The following ZFPM2 variants were observed in gnomAD, a reference collection of about 807,000 sequenced individuals.
The protein encoded by ZFPM2 is zinc finger protein, FOG family member 2, also known as zinc finger protein ZFPM2.
Under a neutral mutation model 98.6 loss-of-function variants are expected in ZFPM2, and 20 were observed. The observed-to-expected ratio is 0.20, with a 90% CI of 0.14 to 0.29. ZFPM2 has a LOEUF of 0.29. ZFPM2 is among the 10% of genes least tolerant of loss of function. ZFPM2 has a pLI of 1.00. For missense variants in ZFPM2, 1,310 were observed against 1,388.6 expected (o/e 0.94, Z 0.90); for synonymous variants, 518 against 502.7 (o/e 1.03, Z -0.41).
At chr8:105,679,610 A>C (rs534894746) in intron 5 of ZFPM2, among the ~76,000 whole-genome samples, 3 of 152,144 alleles carry the variant, frequency 2.0e-5, no homozygotes, top group African/African-American at 7.2e-5. Flanking sequence ...TCTGAGCAAC[A>C]TGGCAAAACT....
In ZFPM2 at chr8:105,318,947, C is replaced by A; in HGVS notation, c.6C>A (p.Ser2=). Reference sequence around the variant, plus strand: ...CGGCAGCAGCCGCCGCCGAGATGTCCCGGCGAAAGCAAAGCAAACCCCGGC... The same window carrying A: ...CGGCAGCAGCCGCCGCCGAGATGTCACGGCGAAAGCAAAGCAAACCCCGGC... The part of the protein sequence containing the change: M[S]RRKQSKPRQI... The change falls in exon 1 of 8, where the codon TCC becomes TCA. Residue 2 remains serine (S), a synonymous_variant. Coordinates refer to ENST00000407775, the MANE Select transcript of ZFPM2 (RefSeq NM_012082.4). 2 of 1,457,538 alleles carry A rather than the reference C, an allele frequency of 1.4e-6. No individual in the cohort carries two copies. The highest frequency in any genetic ancestry group is 1.8e-6 in the Non-Finnish European group (2 of 1,094,216). The allele number at this position is 1,457,538 out of a possible 1,614,324, so 90.3% of individuals were successfully genotyped here. A position where few individuals can be genotyped will look rare whatever the true frequency, so the allele number is the denominator to read the frequency against.
At chr8:105,364,298 G>A (rs1205071762) in intron 1 of ZFPM2, among the ~76,000 whole-genome samples, 3 of 151,956 alleles carry the variant, frequency 2.0e-5, no homozygotes, top group Non-Finnish European at 4.4e-5. Flanking sequence ...ATGTAAATCA[G>A]AGAAGCAATA....
intron 5 of ZFPM2, among the ~76,000 whole-genome samples, chr8:105,770,116 G>A (rs577479415): frequency 1.3e-5 from 2 of 152,072 alleles, no homozygotes; most frequent in African/African-American, 4.8e-5. Flanking sequence ...TTGATCTAGT[G>A]AGCTTAGAGC....
At chr8:105,526,687 G>A (rs751873810) in intron 3 of ZFPM2, among the ~76,000 whole-genome samples, 9 of 152,258 alleles carry the variant, frequency 5.9e-5, no homozygotes, top group East Asian at 3.9e-4. Flanking sequence ...GATGGAAAAC[G>A]AAATCTGTAT....
At chr8:105,791,924 A>G (rs1361590815) in intron 6 of ZFPM2, among the ~76,000 whole-genome samples, 1 of 152,080 alleles carries the variant, frequency 6.6e-6, no homozygotes, top group East Asian at 1.9e-4. Flanking sequence ...TTTCTGTGGG[A>G]TCGCTGGTGA....
chr8:105,460,928 C>A (rs547537641), intron 3 of ZFPM2, among the ~76,000 whole-genome samples: 1 of 151,800 alleles, frequency 6.6e-6, no homozygotes, highest in Non-Finnish European at 1.5e-5. Context: ...ACATATAATG[C>A]ACTTTTTTGA....
chr8:105,609,255 A>T (rs1431680307), intron 4 of ZFPM2, among the ~76,000 whole-genome samples: 1 of 151,990 alleles, frequency 6.6e-6, no homozygotes, highest in Non-Finnish European at 1.5e-5. Flanking sequence ...CATGGAGGCA[A>T]GCCAGGAGCA....
At chr8:105,610,060 A>T (rs1816277685) in intron 4 of ZFPM2, among the ~76,000 whole-genome samples, 1 of 152,130 alleles carries the variant, frequency 6.6e-6, no homozygotes, top group Non-Finnish European at 1.5e-5. Flanking sequence ...TGCAATTATG[A>T]ATTTCTTGAG....
At chr8:105,695,997 A>C (rs1811008965) in intron 5 of ZFPM2, among the ~76,000 whole-genome samples, 1 of 152,128 alleles carries the variant, frequency 6.6e-6, no homozygotes, top group Non-Finnish European at 1.5e-5. Context: ...CCTAGATTAT[A>C]TTTTTCCCAC....
intron 1 of ZFPM2, among the ~76,000 whole-genome samples, chr8:105,383,842 A>G (rs1360934772): frequency 6.6e-6 from 1 of 152,212 alleles, no homozygotes; most frequent in African/African-American, 2.4e-5. Context: ...TTTGAAAAAA[A>G]CAAAGTATCA....
At chr8:105,650,610 A>G (rs1391563794) in intron 5 of ZFPM2, among the ~76,000 whole-genome samples, 1 of 152,074 alleles carries the variant, frequency 6.6e-6, no homozygotes, top group Non-Finnish European at 1.5e-5. Flanking sequence ...GAACATCTTT[A>G]TTTCTGCCTT....
At chr8:105,768,086 C>T (rs1428073413) in intron 5 of ZFPM2, among the ~76,000 whole-genome samples, 1 of 104,014 alleles carries the variant, frequency 9.6e-6, no homozygotes, top group Non-Finnish European at 1.8e-5. Context: ...ACACATATTC[C>T]TCTCTCTCTC....
At chr8:105,391,621 A>G (rs545567506) in intron 1 of ZFPM2, among the ~76,000 whole-genome samples, 1 of 152,340 alleles carries the variant, frequency 6.6e-6, no homozygotes, top group African/African-American at 2.4e-5. Flanking sequence ...CATTTCAACA[A>G]TTCACAACAT....
At chr8:105,520,372 T>G (rs928039969) in intron 3 of ZFPM2, among the ~76,000 whole-genome samples, 1 of 152,146 alleles carries the variant, frequency 6.6e-6, no homozygotes, top group Non-Finnish European at 1.5e-5. Context: ...AAGCTCAACA[T>G]GCATGTCAAT....
At chr8:105,706,795 A>G (rs1822239) in intron 5 of ZFPM2, among the ~76,000 whole-genome samples, 77,367 of 151,856 alleles carry the variant, frequency 0.51, 20,801 homozygotes, top group East Asian at 0.69. Context: ...GGCCAGGCTG[A>G]TCTTGAACTC....
chr8:105,685,229 A>G (rs1810704379), intron 5 of ZFPM2, among the ~76,000 whole-genome samples: 1 of 152,090 alleles, frequency 6.6e-6, no homozygotes, highest in African/African-American at 2.4e-5. Flanking sequence ...AATCAGATTA[A>G]GGACTGAATT....
intron 3 of ZFPM2, among the ~76,000 whole-genome samples, chr8:105,545,853 T>C (rs1814685327): frequency 6.6e-6 from 1 of 152,218 alleles, no homozygotes; most frequent in African/African-American, 2.4e-5. Context: ...TTTTTTTTAC[T>C]AATGCATAAG....
At chr8:105,342,127 C>A (rs1470834324) in intron 1 of ZFPM2, among the ~76,000 whole-genome samples, 1 of 152,034 alleles carries the variant, frequency 6.6e-6, no homozygotes, top group Admixed American at 6.6e-5. Context: ...GACATCTCTA[C>A]ACTTAATAAT....
chr8:105,530,246 C>G (rs1814267275), intron 3 of ZFPM2, among the ~76,000 whole-genome samples: 2 of 152,086 alleles, frequency 1.3e-5, no homozygotes, highest in Admixed American at 1.3e-4. Flanking sequence ...ATAGAACCAG[C>G]AAGACCAAAC....
Sources: gnomAD v4.1 joint callset for allele counts (sites outside exome capture counted in the v4.1 genomes callset) on GRCh38, gnomAD v4.1.1 for gene constraint, MANE v1.5 for transcripts, NCBI Gene and HGNC (gene_info 2026-07-23, HGNC 2026-07-21) for gene names.